The following CZIB variants were observed in gnomAD, a reference collection of about 807,000 sequenced individuals.
CZIB encodes the protein CXXC motif containing zinc binding protein, also known as UPF0587 protein C1orf123.
In CZIB, 26 loss-of-function variants were observed where a neutral mutation model predicts 28.3. The ratio of observed to expected loss-of-function variants is 0.92; its 90% CI spans 0.67 to 1.27. The LOEUF (loss-of-function observed/expected upper bound fraction) is 1.27. CZIB is among the 50% of genes most tolerant of loss of function. The probability of loss-of-function intolerance (pLI) is 0.00; values close to 1 mark genes in which losing one functional copy is unlikely to be tolerated. For missense variants in CZIB, 179 were observed against 197.3 expected (o/e 0.91, Z 0.56); for synonymous variants, 78 against 71.1 (o/e 1.10, Z -0.49).
In CZIB at chr1:53,214,745, C is replaced by T; in HGVS notation, c.406-9G>A. 1.2e-6 allele frequency: 2 copies of T among 1,613,282 alleles called. No homozygotes were observed. The highest frequency in any genetic ancestry group is 1.7e-6 in the Non-Finnish European group (2 of 1,179,584). On this transcript the variant is annotated splice_polypyrimidine_tract_variant and intron_variant, in intron 7 of 7. Coordinates refer to ENST00000294360, the MANE Select transcript of CZIB (RefSeq NM_017887.3). ...TCATAGTCAGTCCAGTCCTGGGAAA[C>T]AAAATGGCATTGTTAGCCTCACAAC... is the stretch of plus-strand genomic sequence containing the variant.
Position 53,216,906 on chromosome 1 carries a change from G to A in CZIB, c.262-47C>T, listed in dbSNP as rs763342451. 5 of 1,522,322 alleles carry A rather than the reference G, an allele frequency of 3.3e-6. No homozygotes were observed. The South Asian group carries it at 3.4e-5, about 10-fold the overall frequency. 94.3% of individuals were successfully genotyped at this position (1,522,322 alleles called of 1,614,324 possible). A position where few individuals can be genotyped will look rare whatever the true frequency, so the allele number is the denominator to read the frequency against. On this transcript the variant is annotated intron_variant, in intron 5 of 7. Coordinates refer to ENST00000294360, the MANE Select transcript of CZIB (RefSeq NM_017887.3). ...GAGGCAGGCCCAAATGAGCTCTCAG[G>A]ATGACCCCATGGCCCCTCTCCTTCC...
chr1:53,220,146 C>T (rs182275672), intron 2 of CZIB, 115 bp downstream of exon 2: 1 of 914,254 alleles, frequency 1.1e-6, no homozygotes, highest in East Asian at 2.6e-5. Context: ...CTAGGAAAAC[C>T]CCGAACACTT....
intron 2 of CZIB, 132 bp from the exon 3 acceptor site, chr1:53,219,055 C>T: frequency 1.3e-6 from 1 of 758,236 alleles, no homozygotes; most frequent in South Asian, 1.6e-5. Context: ...ATCCCTAACA[C>T]CTGCCCCAAC....
chr1:53,214,717 T>C lies in CZIB; in HGVS notation c.425A>G (p.Glu142Gly). 6.2e-7 allele frequency: 1 copy of C among 1,614,072 alleles called. No individual in the cohort carries two copies. The highest frequency in any genetic ancestry group is 2.2e-5 in the East Asian group (1 of 44,884). Reference sequence around the variant, plus strand: ...GATTCCCACAGACTCCTGGGCCTTTTCATCATAGTCAGTCCAGTCCTGGGA... The same window carrying C: ...GATTCCCACAGACTCCTGGGCCTTTCCATCATAGTCAGTCCAGTCCTGGGA... ...LQEKDWTDYDEKAQESVGIYE... is the reference protein window; with the variant it reads ...LQEKDWTDYDGKAQESVGIYE... Residue 142 changes from glutamate (E) to glycine (G), a missense_variant, in exon 8 of 8, where the codon GAA becomes GGA. Transcript: ENST00000294360.
In CZIB at chr1:53,214,583, G is replaced by C; in HGVS notation, c.*76C>G. The stretch of plus-strand genomic sequence containing the variant: ...ACCAGGAGACAAGGGTCAAAGGAAC[G>C]AGCCTCTGTGGGCTCTGCTGCTTAG... On this transcript the variant is annotated 3_prime_UTR_variant, in exon 8 of 8. Coordinates refer to ENST00000294360, the MANE Select transcript of CZIB (RefSeq NM_017887.3). The C allele has an allele frequency of 7.7e-7, 1 of 1,295,722 alleles. No individual in the cohort carries two copies. The highest frequency in any genetic ancestry group is 1.1e-6 in the Non-Finnish European group (1 of 901,738). The allele number at this position is 1,295,722 out of a possible 1,614,324, so 80.3% of individuals were successfully genotyped here.
chr1:53,214,824 A>T (rs1645459460), intron 7 of CZIB, 88 bp from the exon 8 acceptor site: 2 of 1,025,950 alleles, frequency 1.9e-6, no homozygotes, highest in Non-Finnish European at 3.0e-6. Context: ...GGCCCAGCTC[A>T]GGCTCTGACT....
At position 53,216,047 on chromosome 1, in the gene CZIB, C is replaced by T. The variant is rs1645470228; in HGVS notation, c.349G>A (p.Ala117Thr). 1 of 1,614,036 alleles carries T rather than the reference C, an allele frequency of 6.2e-7. No individual in the cohort carries two copies. The change falls in exon 7 of 8, where the codon GCT becomes ACT. Residue 117 changes from alanine to threonine, a missense_variant. By Grantham distance (58) the Ala-to-Thr change is moderately conservative. Transcript: ENST00000294360. ...GTCCCTGACTCCACACCTTCAGCAG[C>T]AAACCCAGCCTGCAGGGCACAAGAA... ...PVDFQPQAGF[A>T]AEGVESGTAF...
chr1:53,214,859 C>T (rs763533048), intron 7 of CZIB, 123 bp from the exon 8 acceptor site: 57 of 715,942 alleles, frequency 8.0e-5, no homozygotes, highest in Non-Finnish European at 1.3e-4. Context: ...CATGTATGAC[C>T]CTGAACAGAG....
chr1:53,216,082 T>TA lies in CZIB; in HGVS notation c.340-27dup, dbSNP rs1291279934. The TA allele has an allele frequency of 2.5e-6, 4 of 1,613,130 alleles. No homozygotes were observed. The African/African-American group carries it at 4.0e-5, about 16-fold the overall frequency. On this transcript the variant is annotated intron_variant, in intron 6 of 7. Transcript: ENST00000294360. ...CTGCAGGGCACAAGAAGGTACCAGTTAGTCTTGGCAAAAGAAGGCATTGGG... is the reference window on the plus strand; with the variant it reads ...CTGCAGGGCACAAGAAGGTACCAGTTAAGTCTTGGCAAAAGAAGGCATTGGG...
chr1:53,217,476 A>G (rs1006356212), intron 5 of CZIB: 1 of 153,538 alleles, frequency 6.5e-6, no homozygotes, highest in African/African-American at 2.4e-5. Flanking sequence ...TAGGGACCAC[A>G]AGTGCCATGC....
At chr1:53,216,108 C>T in intron 6 of CZIB, 52 bp from the exon 7 acceptor site, 1 of 1,588,936 alleles carries the variant, frequency 6.3e-7, no homozygotes. Flanking sequence ...AGGCATTGGG[C>T]TATAAGTAAG....
Position 53,216,919 on chromosome 1 carries a change from C to T in CZIB, c.262-60G>A. On this transcript the variant is annotated intron_variant, in intron 5 of 7. Transcript: ENST00000294360. ...ATGAGCTCTCAGGATGACCCCATGG[C>T]CCCTCTCCTTCCTGCCAAATGGGCA... The T allele has an allele frequency of 7.0e-6, 10 of 1,424,592 alleles. No homozygotes were observed. The South Asian group carries it at 1.1e-4, about 16-fold the overall frequency. 88.2% of individuals were successfully genotyped at this position (1,424,592 alleles called of 1,614,324 possible).
At chr1:53,217,064 G>A (rs912443000) in intron 5 of CZIB, 1 of 524,452 alleles carries the variant, frequency 1.9e-6, no homozygotes, top group Non-Finnish European at 3.4e-6. Context: ...CATGGAGGCT[G>A]CAGAAGAGCG....
chr1:53,218,544 A>G (rs1299825183), intron 3 of CZIB, 49 bp from the exon 4 acceptor site: 4 of 1,563,996 alleles, frequency 2.6e-6, no homozygotes, highest in Non-Finnish European at 3.5e-6. Context: ...TTAGATGTAC[A>G]GTCCTGAGGA....
In CZIB at chr1:53,218,467, C is replaced by T; in HGVS notation, c.176G>A (p.Gly59Asp). Residue 59 changes from glycine (G) to aspartate (D), a missense_variant, in exon 4 of 8, where the codon GGC becomes GAC. Physicochemically the swap from Gly to Asp is moderately conservative, Grantham distance 94 (BLOSUM62 -1). Coordinates refer to ENST00000294360, the MANE Select transcript of CZIB (RefSeq NM_017887.3). The stretch of plus-strand genomic sequence containing the variant: ...GCACTTCTGGACCATGGAAGCACTG[C>T]CACGGCCCCCCTTCAGTGCCACACT... ...MDSVALKGGR[G>D]SASMVQKCKL... is the part of the protein sequence containing the mutation. The T allele has an allele frequency of 1.2e-6, 2 of 1,614,192 alleles. No individual in the cohort carries two copies. Among genetic ancestry groups the T allele is most frequent in the South Asian group, 1.1e-5 (1 of 91,074 alleles).
At position 53,216,073 on chromosome 1, in the gene CZIB, G is replaced by T. The variant is rs1645470609; in HGVS notation, c.340-17C>A. On this transcript the variant is annotated splice_polypyrimidine_tract_variant and intron_variant, in intron 6 of 7. Transcript: ENST00000294360. ...AAACCCAGCCTGCAGGGCACAAGAA[G>T]GTACCAGTTAGTCTTGGCAAAAGAA... is the stretch of plus-strand genomic sequence containing the variant. 1.2e-6 allele frequency: 2 copies of T among 1,613,852 alleles called. No homozygotes were observed. Among genetic ancestry groups the T allele is most frequent in the South Asian group, 1.1e-5 (1 of 91,072 alleles).
At chr1:53,220,187 G>A in intron 2 of CZIB, 74 bp downstream of exon 2, 3 of 1,298,172 alleles carry the variant, frequency 2.3e-6, no homozygotes, top group Non-Finnish European at 3.2e-6. Flanking sequence ...TTCTCATACT[G>A]CCGGAGAGAA....
At chr1:53,218,653 A>G in intron 3 of CZIB, 158 bp from the exon 4 acceptor site, 2 of 833,786 alleles carry the variant, frequency 2.4e-6, no homozygotes, top group South Asian at 1.8e-5. Flanking sequence ...GAGGAAAATA[A>G]AAAAAGGGCT....
At position 53,220,292 on chromosome 1, in the gene CZIB, G is replaced by T. The variant is rs371239849; in HGVS notation, c.59C>A (p.Pro20His). The part of the protein sequence containing the change: ...ATLENITNLR[P>H]VGEDFRWYLK... ...GTACCACCGGAAGTCCTCGCCCACG[G>T]GCCGGAGGTTGGTGATGTTCTCCAG... The change falls in exon 2 of 8, where the codon CCC (proline) becomes CAC (histidine). Residue 20 changes from proline to histidine, a missense_variant. By Grantham distance (77) the Pro-to-His change is moderately conservative. Coordinates refer to ENST00000294360, the MANE Select transcript of CZIB (RefSeq NM_017887.3). The T allele has an allele frequency of 2.5e-6, 4 of 1,613,594 alleles. No homozygotes were observed. In the East Asian group the frequency reaches 8.9e-5, roughly 36 times the overall value.
Sources: gnomAD v4.1 joint callset for allele counts on GRCh38, gnomAD v4.1.1 for gene constraint, MANE v1.5 for transcripts, NCBI Gene and HGNC (gene_info 2026-07-23, HGNC 2026-07-21) for gene names.